Variants in MATN2 observed in about 807,000 individuals in gnomAD.
MATN2 encodes matrilin 2.
MATN2 carries 69 observed loss-of-function variants against 103.2 expected under a neutral mutation model. The ratio of observed to expected loss-of-function variants is 0.67; its 90% CI spans 0.55 to 0.82. The LOEUF is 0.82. Among genes scored for constraint, MATN2 ranks in the 40% least tolerant of loss-of-function variants. MATN2 has a pLI of 0.00. For missense variants in MATN2, 1,023 were observed against 1,211.5 expected, an observed-to-expected ratio of 0.84 and a Z score of 2.31; for synonymous variants, 429 against 450.2, an observed-to-expected ratio of 0.95 and a Z score of 0.60.
chr8:97,996,422 G>T (rs1036502970), intron 7 of MATN2, among the ~76,000 whole-genome samples: 1 of 152,128 alleles, frequency 6.6e-6, no homozygotes, highest in African/African-American at 2.4e-5. Context: ...TGGTCCCCAG[G>T]TGGGCCTGTT....
rs117169924 is a variant in MATN2, at chr8:98,029,436, C to T, written c.2357-1026C>T. ...GCTCCACTCAAATGTCTCTACACAT[C>T]ACACAAAGACAGGTGGTAGCAGAAA... On this transcript the variant is annotated intron_variant, in intron 14 of 18. Transcript: ENST00000254898. Among the ~76,000 whole-genome samples, 353 of 152,328 alleles carry T rather than the reference C, an allele frequency of 2.3e-3. 2 individuals are homozygous for T. Among genetic ancestry groups the T allele is most frequent in the Non-Finnish European group, 3.6e-3 (248 of 68,030 alleles).
intron 6 of MATN2, among the ~76,000 whole-genome samples, chr8:97,980,303 C>G (rs541743246): frequency 2.0e-5 from 3 of 152,084 alleles, no homozygotes; most frequent in Non-Finnish European, 4.4e-5. Context: ...TGTGGTCTCC[C>G]TTCCCTTCTG....
At chr8:97,878,964 C>T (rs1378861715) in intron 1 of MATN2, among the ~76,000 whole-genome samples, 3 of 152,200 alleles carry the variant, frequency 2.0e-5, no homozygotes, top group Non-Finnish European at 1.5e-5. Context: ...TTTTTGGATG[C>T]AGAACCAGGG....
chr8:97,892,963 G>T (rs560696776), intron 2 of MATN2, among the ~76,000 whole-genome samples: 15 of 152,304 alleles, frequency 9.8e-5, no homozygotes, highest in Admixed American at 6.5e-4. Flanking sequence ...CTCCGATGTG[G>T]CGCTGGGTCT....
At chr8:98,032,165 TG>T in intron 15 of MATN2, 80 bp from the exon 16 acceptor site, 1 of 1,079,252 alleles carries the variant, frequency 9.3e-7, no homozygotes, top group Non-Finnish European at 1.4e-6. Flanking sequence ...GGTAAGGAGG[TG>T]GTCTGGGACC....
chr8:97,970,708 G>A (rs766506415), intron 5 of MATN2, among the ~76,000 whole-genome samples: 11 of 152,196 alleles, frequency 7.2e-5, no homozygotes, highest in Non-Finnish European at 1.2e-4. Flanking sequence ...AGCACTTTGA[G>A]AGGCCAAGGT....
In MATN2 at chr8:98,027,688, A is replaced by T. The variant is rs1166230132; in HGVS notation, c.2215A>T (p.Lys739Ter). The change falls in exon 14 of 19, where the codon AAA becomes TAA. Residue 739 changes from lysine to a stop codon, truncating the protein, a stop_gained. Transcript: ENST00000254898. LOFTEE classifies it high-confidence loss of function. ...GKGSMTGLALKHMFERSFTQG... is the reference protein window; with the variant it reads ...GKGSMTGLAL Reference sequence around the variant, plus strand: ...GGGCTCTATGACTGGGCTGGCCCTGAAACACATGTTTGAGAGAAGTTTTAC... The same window carrying T: ...GGGCTCTATGACTGGGCTGGCCCTGTAACACATGTTTGAGAGAAGTTTTAC... 6.2e-7 allele frequency: 1 copy of T among 1,613,884 alleles called. No individual in the cohort carries two copies. The highest frequency in any genetic ancestry group is 1.3e-5 in the African/African-American group (1 of 74,932).
At chr8:97,994,313 A>C (rs1015279203) in intron 6 of MATN2, among the ~76,000 whole-genome samples, 167 bp from the exon 7 acceptor site, 64 of 152,054 alleles carry the variant, frequency 4.2e-4, no homozygotes, top group African/African-American at 1.5e-3. Flanking sequence ...AGGAGAGGCC[A>C]TATCTCTAAA....
chr8:97,954,621 C>G (rs1183782455), intron 4 of MATN2, among the ~76,000 whole-genome samples: 1 of 152,240 alleles, frequency 6.6e-6, no homozygotes, highest in African/African-American at 2.4e-5. Flanking sequence ...TGGCCCCTCA[C>G]TGGACCATCA....
intron 2 of MATN2, among the ~76,000 whole-genome samples, chr8:97,923,356 T>C (rs1422797666): frequency 6.6e-6 from 1 of 152,192 alleles, no homozygotes; most frequent in Non-Finnish European, 1.5e-5. Flanking sequence ...TAAAATCCTC[T>C]GGTTATTCCT....
At chr8:98,006,394 C>A (rs573557673) in intron 8 of MATN2, among the ~76,000 whole-genome samples, 9 of 152,134 alleles carry the variant, frequency 5.9e-5, no homozygotes, top group Admixed American at 5.9e-4. Context: ...CTGTTCTGAG[C>A]GCTTTACATA....
At chr8:97,985,281 C>T (rs1025452127) in intron 6 of MATN2, among the ~76,000 whole-genome samples, 1 of 152,116 alleles carries the variant, frequency 6.6e-6, no homozygotes, top group Non-Finnish European at 1.5e-5. Context: ...TGAGAACTAA[C>T]AGAGCAAACG....
intron 5 of MATN2, among the ~76,000 whole-genome samples, chr8:97,972,330 C>T (rs1225268004): frequency 9.1e-6 from 1 of 110,006 alleles, no homozygotes; most frequent in Non-Finnish European, 1.9e-5. Context: ...CAGAATGAGA[C>T]CCTGTCTCAA....
chr8:97,894,924 G>A (rs773375932), intron 2 of MATN2, among the ~76,000 whole-genome samples: 20 of 151,786 alleles, frequency 1.3e-4, no homozygotes, highest in Non-Finnish European at 2.6e-4. Context: ...CCAGGCTGGA[G>A]TGCAGTGGCG....
intron 2 of MATN2, among the ~76,000 whole-genome samples, chr8:97,903,318 G>T (rs1819051707): frequency 1.3e-5 from 2 of 152,090 alleles, no homozygotes; most frequent in African/African-American, 2.4e-5. Context: ...ATAATGCCAG[G>T]GTAAAGATAA....
chr8:97,880,720 T>C (rs867373249), intron 1 of MATN2, among the ~76,000 whole-genome samples: 5 of 152,060 alleles, frequency 3.3e-5, no homozygotes, highest in Admixed American at 6.6e-5. Flanking sequence ...ATAATAAATA[T>C]CCTCCTCAAC....
intron 1 of MATN2, among the ~76,000 whole-genome samples, chr8:97,871,523 C>T (rs1018388814): frequency 6.6e-6 from 1 of 152,234 alleles, no homozygotes; most frequent in Non-Finnish European, 1.5e-5. Flanking sequence ...CCTGCAGGAG[C>T]GTCCCTTCCA....
At chr8:97,893,342 C>A (rs578244751) in intron 2 of MATN2, among the ~76,000 whole-genome samples, 11 of 152,292 alleles carry the variant, frequency 7.2e-5, no homozygotes, top group African/African-American at 2.6e-4. Flanking sequence ...CAGTGGCACC[C>A]ATCCCCTTCC....
chr8:97,942,589 C>T lies in MATN2; in HGVS notation c.835+690C>T, dbSNP rs931672734. On this transcript the variant is annotated intron_variant, in intron 4 of 18. Transcript: ENST00000254898. ...TTATGGATAAAGCCACTGAGTTAAC[C>T]TACAGATGACCAGGCTACCAAAAAC... 2.6e-5 allele frequency among the ~76,000 whole-genome samples: 4 copies of T among 152,150 alleles called. 1 individual carries two copies. The South Asian group carries it at 8.3e-4, about 32-fold the overall frequency.
Sources: allele counts gnomAD v4.1 joint callset (sites outside exome capture counted in the v4.1 genomes callset), GRCh38; gene constraint gnomAD v4.1.1; transcripts MANE v1.5; gene names NCBI Gene and HGNC (gene_info 2026-07-23, HGNC 2026-07-21).